Variants in SIPA1L1 observed in about 807,000 individuals in gnomAD.
SIPA1L1 encodes the protein signal induced proliferation associated 1 like 1, also known as signal-induced proliferation-associated 1-like protein 1.
Under a neutral mutation model 162.7 loss-of-function variants are expected in SIPA1L1, and 26 were observed. That is an observed-to-expected ratio of 0.16 (90% CI 0.12 to 0.22). The LOEUF (loss-of-function observed/expected upper bound fraction) is 0.22. Ranked by LOEUF, SIPA1L1 falls within the 10% of genes least tolerant of loss-of-function variation. SIPA1L1 has a pLI of 1.00. For missense variants in SIPA1L1, 1,874 were observed against 2,241.0 expected (o/e 0.84, Z 3.31); for synonymous variants, 829 against 837.4 (o/e 0.99, Z 0.17).
chr14:71,473,808 A>G (rs560994436), intron 2 of SIPA1L1, among the ~76,000 whole-genome samples: 25 of 152,360 alleles, frequency 1.6e-4, no homozygotes, highest in African/African-American at 4.1e-4. Flanking sequence ...GTCTAGAACT[A>G]TGTTTTCCAA....
At chr14:71,489,157 A>G (rs1381577399) in intron 2 of SIPA1L1, among the ~76,000 whole-genome samples, 1 of 152,226 alleles carries the variant, frequency 6.6e-6, no homozygotes, top group Non-Finnish European at 1.5e-5. Context: ...TTAGAACCCA[A>G]CTTATATTCG....
At chr14:71,398,046 C>T (rs1434488997) in intron 2 of SIPA1L1, among the ~76,000 whole-genome samples, 4 of 114,390 alleles carry the variant, frequency 3.5e-5, no homozygotes, top group Admixed American at 1.1e-4. Context: ...GACGGAGTCT[C>T]GCTCTTTTGC....
intron 2 of SIPA1L1, among the ~76,000 whole-genome samples, chr14:71,466,818 T>C (rs2047037837): frequency 6.6e-6 from 1 of 152,228 alleles, no homozygotes; most frequent in Admixed American, 6.5e-5. Context: ...CTATTTTTTA[T>C]TGTGCACAGA....
At chr14:71,495,081 T>TG (rs1405259993) in intron 2 of SIPA1L1, among the ~76,000 whole-genome samples, 1 of 152,224 alleles carries the variant, frequency 6.6e-6, no homozygotes, top group African/African-American at 2.4e-5. Flanking sequence ...TGAGGAATAT[T>TG]GGTTCATTGT....
intron 7 of SIPA1L1, among the ~76,000 whole-genome samples, chr14:71,648,795 A>G (rs1412918649): frequency 6.6e-6 from 1 of 152,216 alleles, no homozygotes; most frequent in African/African-American, 2.4e-5. Context: ...TTGTAGACAT[A>G]TGTTGCAGCG....
At chr14:71,510,769 C>T (rs776671114) in intron 2 of SIPA1L1, among the ~76,000 whole-genome samples, 2 of 152,086 alleles carry the variant, frequency 1.3e-5, no homozygotes, top group African/African-American at 2.4e-5. Context: ...ATGAACCAAT[C>T]GATGAGACAG....
chr14:71,734,836 C>G (rs1343596755), intron 21 of SIPA1L1, among the ~76,000 whole-genome samples: 1 of 152,132 alleles, frequency 6.6e-6, no homozygotes, highest in Non-Finnish European at 1.5e-5. Context: ...TTTTGGAATA[C>G]AGGTGGTATG....
At chr14:71,581,087 A>G (rs1567238511) in intron 4 of SIPA1L1, among the ~76,000 whole-genome samples, 1 of 152,112 alleles carries the variant, frequency 6.6e-6, no homozygotes, top group Non-Finnish European at 1.5e-5. Flanking sequence ...GTTATGTTCA[A>G]TAGGATGCAT....
chr14:71,456,489 A>G (rs184151352), intron 2 of SIPA1L1, among the ~76,000 whole-genome samples: 51 of 152,358 alleles, frequency 3.3e-4, no homozygotes, highest in Non-Finnish European at 6.9e-4. Flanking sequence ...TGTTTTATGA[A>G]TCCAGCTGAA....
chr14:71,342,479 T>C (rs2035764095), intron 2 of SIPA1L1, among the ~76,000 whole-genome samples: 1 of 152,182 alleles, frequency 6.6e-6, no homozygotes, highest in African/African-American at 2.4e-5. Flanking sequence ...ATACAGATTT[T>C]TAAAGAGATG....
chr14:71,551,013 G>A (rs1567193885), intron 4 of SIPA1L1, among the ~76,000 whole-genome samples: 3 of 152,092 alleles, frequency 2.0e-5, no homozygotes, highest in African/African-American at 4.8e-5. Context: ...CCTTGGACAC[G>A]CTGTTTGTTC....
At chr14:71,662,520 C>T (rs751829916) in intron 10 of SIPA1L1, among the ~76,000 whole-genome samples, 6 of 152,198 alleles carry the variant, frequency 3.9e-5, no homozygotes, top group Admixed American at 6.5e-5. Context: ...AGGTCACTTG[C>T]CTCAGGTTAG....
At chr14:71,360,610 C>G (rs1341038906) in intron 2 of SIPA1L1, among the ~76,000 whole-genome samples, 2 of 152,196 alleles carry the variant, frequency 1.3e-5, no homozygotes. Flanking sequence ...TCATCCTATA[C>G]AAAGTATTTA....
chr14:71,379,081 C>A (rs1566950731), intron 2 of SIPA1L1, among the ~76,000 whole-genome samples: 1 of 152,114 alleles, frequency 6.6e-6, no homozygotes, highest in African/African-American at 2.4e-5. Flanking sequence ...AGATTGCTTC[C>A]TCCTGGTGAC....
At chr14:71,416,121 AGCTACCCCTTGTATTTT>A (rs2042742705) in intron 2 of SIPA1L1, 1 of 152,100 alleles carries the variant, frequency 6.6e-6, no homozygotes, top group South Asian at 2.1e-4. Flanking sequence ...TGTGTCATAC[AGCTACCCCTTGTATTTT>A]GTTCTTTTTT....
intron 2 of SIPA1L1, among the ~76,000 whole-genome samples, chr14:71,379,055 G>A (rs2039659997): frequency 6.6e-6 from 1 of 152,100 alleles, no homozygotes. Context: ...CCGTTCTGAA[G>A]TTCTGTATCA....
Position 71,543,961 on chromosome 14 carries a change from A to G in SIPA1L1, c.-303+14591A>G, listed in dbSNP as rs374610518. 1.8e-3 allele frequency among the ~76,000 whole-genome samples: 271 copies of G among 149,080 alleles called. 3 individuals are homozygous for G. The highest frequency in any genetic ancestry group is 6.5e-3 in the East Asian group (33 of 5,090). Reference sequence around the variant, plus strand: ...TGTATATATACATATACGCACATGTATGTATATATACACACACGCACATGT... The same window carrying G: ...TGTATATATACATATACGCACATGTGTGTATATATACACACACGCACATGT... On this transcript the variant is annotated intron_variant, in intron 4 of 23. Transcript: ENST00000381232.
rs183817053 is a variant in SIPA1L1, at chr14:71,638,965, G to T, written c.1819-11370G>T. Among the ~76,000 whole-genome samples the T allele has an allele frequency of 2.6e-5, 4 of 152,308 alleles. No homozygotes were observed. In the East Asian group the frequency reaches 7.7e-4, roughly 29 times the overall value. On this transcript the variant is annotated intron_variant, in intron 7 of 23. Transcript: ENST00000381232. Reference sequence around the variant, plus strand: ...TATAATCCCAGATAGTCAGGAAGCAGAAAGATCACTTGAACCTAGGAGTTC... The same window carrying T: ...TATAATCCCAGATAGTCAGGAAGCATAAAGATCACTTGAACCTAGGAGTTC...
intron 5 of SIPA1L1, among the ~76,000 whole-genome samples, chr14:71,599,059 T>A (rs1415722137): frequency 6.6e-6 from 1 of 152,138 alleles, no homozygotes; most frequent in African/African-American, 2.4e-5. Context: ...ACATGCAATA[T>A]TTGTCTTTAT....
Sources: gnomAD v4.1 joint callset for allele counts (sites outside exome capture counted in the v4.1 genomes callset) on GRCh38, gnomAD v4.1.1 for gene constraint, MANE v1.5 for transcripts, NCBI Gene and HGNC (gene_info 2026-07-23, HGNC 2026-07-21) for gene names.